ZNF710: variants seen among roughly 807,000 people sequenced by gnomAD.
ZNF710 encodes zinc finger protein 710.
In ZNF710, 13 loss-of-function variants were observed where a neutral mutation model predicts 50.6. The ratio of observed to expected loss-of-function variants is 0.26; its 90% CI spans 0.17 to 0.41. ZNF710 has a LOEUF of 0.41. Among genes scored for constraint, ZNF710 ranks in the 10% least tolerant of loss-of-function variants. ZNF710 has a pLI of 1.00. For synonymous variants in ZNF710, 383 were observed against 397.0 expected (o/e 0.96, Z 0.42); for missense variants, 721 against 936.6 (o/e 0.77, Z 3.01).
chr15:90,041,255 G>A (rs1293724452), intron 1 of ZNF710, among the ~76,000 whole-genome samples: 3 of 152,072 alleles, frequency 2.0e-5, no homozygotes, highest in Non-Finnish European at 4.4e-5. Flanking sequence ...AAGCTAGAAT[G>A]CAGCGGCATG....
intron 1 of ZNF710, among the ~76,000 whole-genome samples, chr15:90,056,346 G>A (rs911532603): frequency 9.2e-5 from 14 of 152,152 alleles, no homozygotes; most frequent in African/African-American, 2.9e-4. Flanking sequence ...TCCAGAAGGC[G>A]GAGGTTGCGG....
intron 1 of ZNF710, among the ~76,000 whole-genome samples, chr15:90,012,524 C>T (rs1046277318): frequency 2.6e-5 from 4 of 152,044 alleles, no homozygotes; most frequent in Non-Finnish European, 5.9e-5. Flanking sequence ...CCCGCCTCGG[C>T]CTCCCAAAGT....
chr15:90,047,099 AAG>A (rs1899486931), intron 1 of ZNF710, among the ~76,000 whole-genome samples: 1 of 152,104 alleles, frequency 6.6e-6, no homozygotes, highest in Non-Finnish European at 1.5e-5. Flanking sequence ...CTAGAGATGA[AAG>A]AGGTTCTGGG....
At chr15:90,041,741 T>C (rs1899300664) in intron 1 of ZNF710, among the ~76,000 whole-genome samples, 1 of 152,106 alleles carries the variant, frequency 6.6e-6, no homozygotes, top group Non-Finnish European at 1.5e-5. Context: ...TGCACTGCTA[T>C]CTCCCTAGGA....
chr15:90,043,494 T>C (rs1340958404), intron 1 of ZNF710, among the ~76,000 whole-genome samples: 2 of 152,186 alleles, frequency 1.3e-5, no homozygotes, highest in Non-Finnish European at 2.9e-5. Flanking sequence ...CCCTTGGGGG[T>C]GTAACCTGTT....
At chr15:90,015,483 A>G (rs1021913823) in intron 1 of ZNF710, among the ~76,000 whole-genome samples, 6 of 152,216 alleles carry the variant, frequency 3.9e-5, no homozygotes, top group African/African-American at 1.4e-4. Context: ...TGCATTTTTC[A>G]AGATAGTTAA....
intron 1 of ZNF710, among the ~76,000 whole-genome samples, chr15:90,057,690 A>AAATAATAATAATAATAAT (rs71151550): frequency 0.02 from 2,830 of 139,460 alleles, 93 homozygotes; most frequent in African/African-American, 0.065. Context: ...GAGCAAGACT[A>AAATAATAATAATAATAAT]AATAATAATA....
intron 1 of ZNF710, among the ~76,000 whole-genome samples, chr15:90,061,430 C>T (rs1485090216): frequency 2.0e-5 from 3 of 152,164 alleles, no homozygotes; most frequent in Non-Finnish European, 4.4e-5. Context: ...CCTCAGCCTC[C>T]CAAAGTGCTG....
At chr15:90,047,516 A>G (rs1899500634) in intron 1 of ZNF710, among the ~76,000 whole-genome samples, 1 of 152,090 alleles carries the variant, frequency 6.6e-6, no homozygotes, top group Non-Finnish European at 1.5e-5. Context: ...TCACAGACTA[A>G]TACTTTATCA....
intron 1 of ZNF710, among the ~76,000 whole-genome samples, chr15:90,033,252 T>G (rs1189457505): frequency 6.6e-6 from 1 of 152,216 alleles, no homozygotes; most frequent in Non-Finnish European, 1.5e-5. Flanking sequence ...GACTCAGGAC[T>G]AAACTGCTTG....
chr15:90,008,454 G>GTATATATATATATATA (rs1378957319), intron 1 of ZNF710, among the ~76,000 whole-genome samples: 1 of 124,972 alleles, frequency 8.0e-6, no homozygotes, highest in African/African-American at 3.7e-5. Context: ...ATATATATAT[G>GTATATATATATATATA]TATATATATA....
chr15:90,057,744 C>CTT (rs1899869121), intron 1 of ZNF710, among the ~76,000 whole-genome samples: 1 of 142,584 alleles, frequency 7.0e-6, no homozygotes, highest in South Asian at 2.1e-4. Context: ...ATCAGAATCA[C>CTT]TTAAGAAGCC....
At chr15:90,022,469 G>A (rs1898653995) in intron 1 of ZNF710, among the ~76,000 whole-genome samples, 1 of 152,230 alleles carries the variant, frequency 6.6e-6, no homozygotes, top group East Asian at 1.9e-4. Flanking sequence ...GGGATTGTGG[G>A]TGAGATGGTA....
intron 1 of ZNF710, among the ~76,000 whole-genome samples, chr15:90,008,622 A>G (rs1898217057): frequency 1.3e-5 from 2 of 151,024 alleles, no homozygotes; most frequent in Admixed American, 1.3e-4. Flanking sequence ...GTCTCTACAA[A>G]AAAGTTTTAT....
intron 1 of ZNF710, among the ~76,000 whole-genome samples, chr15:90,023,332 C>T (rs1334265767): frequency 1.3e-5 from 2 of 152,220 alleles, no homozygotes; most frequent in East Asian, 1.9e-4. Flanking sequence ...AACACCAGCT[C>T]ATTTCCATTC....
chr15:90,055,016 T>C (rs1899768094), intron 1 of ZNF710, among the ~76,000 whole-genome samples: 1 of 152,222 alleles, frequency 6.6e-6, no homozygotes, highest in African/African-American at 2.4e-5. Context: ...TCTATCTGTG[T>C]ACTCTGCTAG....
Position 90,074,184 on chromosome 15 carries a change from G to C in ZNF710, c.1719G>C (p.Lys573Asn). The C allele has an allele frequency of 6.2e-7, 1 of 1,613,060 alleles. No individual in the cohort carries two copies. Among genetic ancestry groups the C allele is most frequent in the African/African-American group, 1.3e-5 (1 of 74,968 alleles). The change falls in exon 4 of 5, where the codon AAG (lysine) becomes AAC (asparagine). Residue 573 changes from lysine to asparagine, a missense_variant. Physicochemically the swap from Lys to Asn is moderately conservative, Grantham distance 94 (BLOSUM62 0). Around this residue, in one of 3 missense-constraint regions of ZNF710, gnomAD observed 326 missense variants for 522.0 expected, o/e 0.62. Transcript: ENST00000268154. ...ACATGCACCTGCACGCCGGCAGCAA[G>C]CCCTTCAAGTGCCCCTACTGCTCCA... Reference protein sequence around the residue: ...LGHMHLHAGSKPFKCPYCSSK... With the variant: ...LGHMHLHAGSNPFKCPYCSSK...
chr15:90,015,033 C>T (rs1299264937), intron 1 of ZNF710, among the ~76,000 whole-genome samples: 1 of 151,950 alleles, frequency 6.6e-6, no homozygotes, highest in African/African-American at 2.4e-5. Context: ...GCTGGGATTA[C>T]AGGCATGCAC....
At chr15:90,033,594 C>T (rs921910119) in intron 1 of ZNF710, among the ~76,000 whole-genome samples, 1 of 152,204 alleles carries the variant, frequency 6.6e-6, no homozygotes, top group African/African-American at 2.4e-5. Context: ...GTTGCCCAGG[C>T]TGGAGTGCAG....
Sources: gnomAD v4.1 joint callset for allele counts (sites outside exome capture counted in the v4.1 genomes callset) on GRCh38, gnomAD v4.1.1 for gene constraint, gnomAD v4.1.1 regional missense constraint, MANE v1.5 for transcripts, NCBI Gene and HGNC (gene_info 2026-07-23, HGNC 2026-07-21) for gene names.